The following SBNO1 variants were observed in gnomAD, a reference collection of about 807,000 sequenced individuals.
SBNO1 encodes the protein strawberry notch homolog 1.
A neutral mutation model predicts 173.6 loss-of-function variants in SBNO1; 23 were observed. That is an observed-to-expected ratio of 0.13 (90% CI 0.10 to 0.19). The LOEUF is 0.19. SBNO1 is among the 10% of genes least tolerant of loss of function. The pLI is 1.00. For missense variants in SBNO1, 1,238 were observed against 1,671.2 expected, an observed-to-expected ratio of 0.74 and a Z score of 4.52; for synonymous variants, 632 against 571.5, an observed-to-expected ratio of 1.11 and a Z score of -1.51.
At chr12:123,296,707 C>A (rs2048609729) in intron 31 of SBNO1, among the ~76,000 whole-genome samples, 1 of 151,718 alleles carries the variant, frequency 6.6e-6, no homozygotes, top group African/African-American at 2.4e-5. Flanking sequence ...ACTACAGGCA[C>A]CTGCCACCAC....
At chr12:123,301,529 A>T (rs1231197540) in intron 30 of SBNO1, among the ~76,000 whole-genome samples, 1 of 152,194 alleles carries the variant, frequency 6.6e-6, no homozygotes, top group Non-Finnish European at 1.5e-5. Context: ...AGCATTAACT[A>T]CTTAATGAGG....
At position 123,341,049 on chromosome 12, in the gene SBNO1, T is replaced by C. The variant is rs776617570; in HGVS notation, c.590A>G (p.Asn197Ser). 1 of 1,603,276 alleles carries C rather than the reference T, an allele frequency of 6.2e-7. No individual in the cohort carries two copies. Among genetic ancestry groups the C allele is most frequent in the South Asian group, 1.1e-5 (1 of 89,474 alleles). The part of the protein sequence containing the change: ...SNGTVKKESS[N>S]KEGARMWIND... ...TATCCACATTCTAGCTCCTTCTTTA[T>C]TAGAAGACTCTTTCTTTACTGTACC... is the stretch of plus-strand genomic sequence containing the variant. The change falls in exon 5 of 32, where the codon AAT becomes AGT. Residue 197 changes from asparagine (N) to serine (S), a missense_variant. Asn to Ser is a conservative substitution (Grantham distance 46). Around this residue, in one of 14 missense-constraint regions of SBNO1, gnomAD observed 287 missense variants for 274.1 expected, o/e 1.05. Coordinates refer to ENST00000602398, the MANE Select transcript of SBNO1 (RefSeq NM_001167856.3).
intron 21 of SBNO1, among the ~76,000 whole-genome samples, chr12:123,316,705 T>TC (rs1347220268): frequency 3.3e-4 from 47 of 144,484 alleles, no homozygotes; most frequent in East Asian, 2.0e-3. Context: ...TTCTTCTTCT[T>TC]TTTTTTTTTT....
chr12:123,343,004 G>C (rs1422249217), intron 4 of SBNO1, among the ~76,000 whole-genome samples: 2 of 152,222 alleles, frequency 1.3e-5, no homozygotes, highest in African/African-American at 2.4e-5. Context: ...AACTTTGGGA[G>C]GCCGAGGTGG....
At chr12:123,355,823 C>T (rs1404430060) in intron 1 of SBNO1, among the ~76,000 whole-genome samples, 1 of 152,064 alleles carries the variant, frequency 6.6e-6, no homozygotes, top group Admixed American at 6.6e-5. Context: ...AAAACATGAC[C>T]TATTTCAAAA....
chr12:123,332,781 G>A (rs1316680206), intron 7 of SBNO1, among the ~76,000 whole-genome samples: 1 of 152,050 alleles, frequency 6.6e-6, no homozygotes. Flanking sequence ...TGGCCAGGCT[G>A]GTCTCTAACT....
At chr12:123,311,746 A>ATTTTTTTTTT (rs1162916089) in intron 24 of SBNO1, among the ~76,000 whole-genome samples, 1 of 135,948 alleles carries the variant, frequency 7.4e-6, no homozygotes, top group African/African-American at 2.7e-5. Context: ...ATATATATAT[A>ATTTTTTTTTT]TATTTTTGCG....
chr12:123,296,132 C>A, intron 31 of SBNO1, 82 bp from the exon 32 acceptor site: 1,184 of 754,558 alleles, frequency 1.6e-3, no homozygotes, highest in Middle Eastern at 2.6e-3. Flanking sequence ...CCAAATGAGG[C>A]ATAATATTAA....
chr12:123,299,681 CAA>C (rs538218167), intron 30 of SBNO1, among the ~76,000 whole-genome samples: 1 of 93,894 alleles, frequency 1.1e-5, no homozygotes, highest in Non-Finnish European at 1.9e-5. Flanking sequence ...ACTCTGTCTT[CAA>C]AAAAAAAAAA....
chr12:123,305,477 C>T (rs935476586), intron 28 of SBNO1, among the ~76,000 whole-genome samples: 1 of 149,860 alleles, frequency 6.7e-6, no homozygotes, highest in Non-Finnish European at 1.5e-5. Flanking sequence ...GTATTTTTAA[C>T]TTTTTTTTTT....
chr12:123,322,196 A>T (rs1222461141), intron 16 of SBNO1, among the ~76,000 whole-genome samples: 2 of 152,198 alleles, frequency 1.3e-5, no homozygotes, highest in African/African-American at 2.4e-5. Context: ...GCAGTGGCAC[A>T]ATCATAGCTC....
chr12:123,354,454 C>T (rs927117842), intron 1 of SBNO1, among the ~76,000 whole-genome samples: 1 of 152,026 alleles, frequency 6.6e-6, no homozygotes, highest in Non-Finnish European at 1.5e-5. Flanking sequence ...GCCAAACGGG[C>T]ACAAATTCTC....
At chr12:123,327,684 G>T in intron 12 of SBNO1, 23 bp downstream of exon 12, 1 of 1,589,028 alleles carries the variant, frequency 6.3e-7, no homozygotes, top group Non-Finnish European at 8.6e-7. Flanking sequence ...ACTGAGAAGA[G>T]TATATACCGT....
intron 28 of SBNO1, among the ~76,000 whole-genome samples, chr12:123,305,918 T>C (rs1450503131): frequency 2.0e-5 from 3 of 152,202 alleles, no homozygotes; most frequent in Non-Finnish European, 4.4e-5. Flanking sequence ...CAATCATTTC[T>C]GGAGCAAAAC....
intron 14 of SBNO1, 87 bp downstream of exon 14, chr12:123,326,065 C>A: frequency 1.1e-6 from 1 of 929,684 alleles, no homozygotes; most frequent in Non-Finnish European, 1.5e-6. Context: ...TTAGGAAAAC[C>A]AGATTTTACA....
At position 123,359,838 on chromosome 12, in the gene SBNO1, T is replaced by C. The variant is rs193265104; in HGVS notation, c.-1+4863A>G. 3.0e-4 allele frequency among the ~76,000 whole-genome samples: 45 copies of C among 152,302 alleles called. 1 individual carries two copies. In the East Asian group the frequency reaches 4.8e-3, roughly 16 times the overall value. Reference sequence around the variant, plus strand: ...CTTGGTGAGTTCAAGCCACAACAAATTGCATCTGTCAATCAGCATATAAAA... The same window carrying C: ...CTTGGTGAGTTCAAGCCACAACAAACTGCATCTGTCAATCAGCATATAAAA... On this transcript the variant is annotated intron_variant, in intron 1 of 31. Transcript: ENST00000602398.
chr12:123,306,571 A>G (rs2048919210), intron 28 of SBNO1, among the ~76,000 whole-genome samples: 1 of 152,118 alleles, frequency 6.6e-6, no homozygotes, highest in Non-Finnish European at 1.5e-5. Context: ...AATAACCAAG[A>G]GCCAGGTGCA....
intron 4 of SBNO1, among the ~76,000 whole-genome samples, chr12:123,344,117 T>C (rs1233830952): frequency 1.3e-5 from 2 of 152,154 alleles, no homozygotes; most frequent in Non-Finnish European, 2.9e-5. Context: ...AGAAAGCCAC[T>C]CATATAAGAA....
chr12:123,361,658 A>G (rs1875191408), intron 1 of SBNO1, among the ~76,000 whole-genome samples: 1 of 146,432 alleles, frequency 6.8e-6, no homozygotes, highest in Non-Finnish European at 1.5e-5. Flanking sequence ...CACTTGAACC[A>G]AGGAGCGGGA....
Sources: gnomAD v4.1 joint callset for allele counts (sites outside exome capture counted in the v4.1 genomes callset) on GRCh38, gnomAD v4.1.1 for gene constraint, gnomAD v4.1.1 regional missense constraint, MANE v1.5 for transcripts, NCBI Gene and HGNC (gene_info 2026-07-23, HGNC 2026-07-21) for gene names.